The following LOC400499 variants were observed in gnomAD, a reference collection of about 807,000 sequenced individuals.
chr16:11,384,856 G>C, the LOC400499 span: 4 of 1,231,968 alleles, frequency 3.2e-6, no homozygotes, highest in African/African-American at 4.7e-5. Context: ...TCCGCTGTAG[G>C]TGGGGCCAAC....
chr16:11,451,978 G>C, the LOC400499 span, among the ~76,000 whole-genome samples: 1 of 152,172 alleles, frequency 6.6e-6, no homozygotes, highest in Admixed American at 6.5e-5. Flanking sequence ...TGGAGAGCCA[G>C]GTCCCCACCC....
chr16:11,433,121 A>G, the LOC400499 span, among the ~76,000 whole-genome samples: 1 of 152,238 alleles, frequency 6.6e-6, no homozygotes, highest in African/African-American at 2.4e-5. Context: ...CTTGTACCGC[A>G]ATGGCAGGGT....
chr16:11,441,940 T>G, the LOC400499 span, among the ~76,000 whole-genome samples: 1 of 152,226 alleles, frequency 6.6e-6, no homozygotes, highest in Non-Finnish European at 1.5e-5. Context: ...TTTCAGAGAT[T>G]CGTTATGGCA....
the LOC400499 span, among the ~76,000 whole-genome samples, chr16:11,402,963 C>T: frequency 1.3e-5 from 2 of 152,110 alleles, no homozygotes; most frequent in Admixed American, 1.3e-4. Flanking sequence ...CTGTGCTCTC[C>T]TTCCATCTTG....
the LOC400499 span, chr16:11,390,248 T>A: frequency 1.6e-6 from 2 of 1,232,514 alleles, no homozygotes; most frequent in East Asian, 3.2e-5. Flanking sequence ...CATCCTCACC[T>A]GCCAACTACG....
the LOC400499 span, chr16:11,392,606 G>A: frequency 1.2e-4 from 51 of 430,490 alleles, no homozygotes; most frequent in African/African-American, 9.7e-4. Flanking sequence ...CAAGCCTCAA[G>A]GCCCTAGGAT....
the LOC400499 span, among the ~76,000 whole-genome samples, chr16:11,524,702 A>G: frequency 6.6e-6 from 1 of 152,042 alleles, no homozygotes; most frequent in African/African-American, 2.4e-5. Context: ...GAAAACTGCC[A>G]GAGATTCCTG....
At chr16:11,405,163 C>G in the LOC400499 span, among the ~76,000 whole-genome samples, 1 of 152,176 alleles carries the variant, frequency 6.6e-6, no homozygotes, top group African/African-American at 2.4e-5. Context: ...CTCTCTGAGC[C>G]TCAGTTTCCT....
At chr16:11,515,475 G>A in the LOC400499 span, among the ~76,000 whole-genome samples, 6 of 144,792 alleles carry the variant, frequency 4.1e-5, no homozygotes, top group East Asian at 1.9e-4. Flanking sequence ...ACATACATAC[G>A]TACGTACATA....
chr16:11,517,582 G>A, the LOC400499 span, among the ~76,000 whole-genome samples: 2 of 152,222 alleles, frequency 1.3e-5, no homozygotes, highest in Non-Finnish European at 2.9e-5. Flanking sequence ...ACAGGCTGCA[G>A]AAACCCCGAA....
At chr16:11,475,985 C>G in the LOC400499 span, among the ~76,000 whole-genome samples, 171 of 152,232 alleles carry the variant, frequency 1.1e-3, no homozygotes, top group African/African-American at 3.9e-3. Flanking sequence ...CCTCCCCTAG[C>G]TGGAGTAGGG....
the LOC400499 span, chr16:11,414,416 G>A: frequency 7.5e-6 from 3 of 399,650 alleles, no homozygotes; most frequent in African/African-American, 4.1e-5. Flanking sequence ...AGCTGCAGTG[G>A]GCCACGTCGT....
chr16:11,500,453 G>A, the LOC400499 span, among the ~76,000 whole-genome samples: 1 of 152,014 alleles, frequency 6.6e-6, no homozygotes, highest in Non-Finnish European at 1.5e-5. Context: ...GGAGGTTGCA[G>A]TGAGCTGAGA....
chr16:11,495,844 A>C, the LOC400499 span, among the ~76,000 whole-genome samples: 1 of 152,212 alleles, frequency 6.6e-6, no homozygotes, highest in Non-Finnish European at 1.5e-5. Context: ...CAGGTAGCCC[A>C]CAGCTATAGA....
the LOC400499 span, among the ~76,000 whole-genome samples, chr16:11,454,117 A>G: frequency 6.6e-6 from 1 of 152,248 alleles, no homozygotes; most frequent in African/African-American, 2.4e-5. Flanking sequence ...AAAGGGTCAC[A>G]TACAAAAGAT....
At chr16:11,415,294 T>C in the LOC400499 span, among the ~76,000 whole-genome samples, 1 of 152,162 alleles carries the variant, frequency 6.6e-6, no homozygotes, top group Non-Finnish European at 1.5e-5. Flanking sequence ...AGCAAACAGA[T>C]GGCGCCGATT....
At chr16:11,465,880 G>C in the LOC400499 span, among the ~76,000 whole-genome samples, 1 of 151,532 alleles carries the variant, frequency 6.6e-6, no homozygotes, top group African/African-American at 2.4e-5. Context: ...GGGAGGGAAA[G>C]ACAGGGCGAG....
chr16:11,396,318 C>T, the LOC400499 span: 13 of 468,236 alleles, frequency 2.8e-5, no homozygotes, highest in Non-Finnish European at 4.4e-5. Flanking sequence ...AGGGCCAGGC[C>T]TGGGGTTCAG....
the LOC400499 span, among the ~76,000 whole-genome samples, chr16:11,458,282 G>T: frequency 6.6e-6 from 1 of 152,146 alleles, no homozygotes; most frequent in Admixed American, 6.6e-5. Context: ...AGAGGCAGAA[G>T]TTGTAGTAAG....
Sources: allele counts gnomAD v4.1 joint callset (sites outside exome capture counted in the v4.1 genomes callset), GRCh38; gene constraint gnomAD v4.1.1; transcripts MANE v1.5.